DIP2B: variants seen among roughly 807,000 people sequenced by gnomAD.
DIP2B encodes DIP2 acetate--CoA ligase B (putative).
Under a neutral mutation model 198.0 loss-of-function variants are expected in DIP2B, and 76 were observed. That is an observed-to-expected ratio of 0.38 (90% CI 0.32 to 0.46). The LOEUF (loss-of-function observed/expected upper bound fraction) is 0.46, where lower values mean the gene tolerates loss of function less well. Among genes scored for constraint, DIP2B ranks in the 20% least tolerant of loss-of-function variants. The pLI is 0.99. For synonymous variants in DIP2B, 701 were observed against 739.1 expected, an observed-to-expected ratio of 0.95 and a Z score of 0.84; for missense variants, 1,559 against 1,978.4, an observed-to-expected ratio of 0.79 and a Z score of 4.02.
At chr12:50,562,216 C>G (rs536270144) in intron 1 of DIP2B, among the ~76,000 whole-genome samples, 20 of 152,132 alleles carry the variant, frequency 1.3e-4, no homozygotes, top group African/African-American at 4.8e-4. Context: ...TCCAGATTTC[C>G]TAGCAAGTCT....
At chr12:50,510,253 A>G (rs530473878) in intron 1 of DIP2B, among the ~76,000 whole-genome samples, 42 of 152,372 alleles carry the variant, frequency 2.8e-4, no homozygotes, top group African/African-American at 9.9e-4. Context: ...AAGAGAATTT[A>G]CAGACAAATT....
rs1939439718 is a variant in DIP2B, at chr12:50,702,644, C to A, written c.2326-1496C>A. Among the ~76,000 whole-genome samples, 8 of 145,498 alleles carry A rather than the reference C, an allele frequency of 5.5e-5. No individual in the cohort carries two copies. The South Asian group carries it at 1.8e-3, about 32-fold the overall frequency. On this transcript the variant is annotated intron_variant, in intron 19 of 37. Coordinates refer to ENST00000301180, the MANE Select transcript of DIP2B (RefSeq NM_173602.3). ...AGTGTGACACGGGGGATCACATGGG[C>A]CGAGGAGTTCAAGGCTGTACTGAAC...
chr12:50,665,393 C>G (rs1241108944), intron 4 of DIP2B, among the ~76,000 whole-genome samples: 1 of 152,152 alleles, frequency 6.6e-6, no homozygotes, highest in Non-Finnish European at 1.5e-5. Flanking sequence ...AATTAAGTGT[C>G]AAACTCAAAA....
At chr12:50,575,474 C>G (rs1405222854) in intron 1 of DIP2B, among the ~76,000 whole-genome samples, 1 of 151,842 alleles carries the variant, frequency 6.6e-6, no homozygotes. Flanking sequence ...CCTTGACTTC[C>G]CAGGCTCAAG....
chr12:50,565,770 A>T (rs1026498046), intron 1 of DIP2B, among the ~76,000 whole-genome samples: 1 of 152,172 alleles, frequency 6.6e-6, no homozygotes, highest in Non-Finnish European at 1.5e-5. Context: ...ATTAAATTTC[A>T]TCTATTTTCT....
chr12:50,703,462 A>G (rs1939458539), intron 19 of DIP2B, among the ~76,000 whole-genome samples: 1 of 152,172 alleles, frequency 6.6e-6, no homozygotes, highest in African/African-American at 2.4e-5. Context: ...GAATACAGCA[A>G]TATTCATTAA....
chr12:50,577,810 A>AG (rs1444428536), intron 1 of DIP2B, among the ~76,000 whole-genome samples: 1 of 152,022 alleles, frequency 6.6e-6, no homozygotes, highest in African/African-American at 2.4e-5. Context: ...AAAAAAAAAA[A>AG]TCTGGCCTCA....
intron 1 of DIP2B, among the ~76,000 whole-genome samples, chr12:50,569,344 C>T (rs1009859270): frequency 6.6e-6 from 1 of 152,088 alleles, no homozygotes; most frequent in East Asian, 1.9e-4. Flanking sequence ...GAGCATGCAC[C>T]TTTCTCTAGA....
chr12:50,707,269 T>C (rs181745334), intron 21 of DIP2B, among the ~76,000 whole-genome samples: 8 of 152,366 alleles, frequency 5.3e-5, no homozygotes, highest in African/African-American at 1.9e-4. Context: ...AGTGTCCCTT[T>C]AGTTTAAGAA....
intron 3 of DIP2B, among the ~76,000 whole-genome samples, chr12:50,650,038 A>G (rs1325201608): frequency 6.6e-6 from 1 of 151,986 alleles, no homozygotes; most frequent in Non-Finnish European, 1.5e-5. Context: ...ATGAAACCGC[A>G]TCTCTACTAA....
chr12:50,730,078 T>C (rs527962228), intron 30 of DIP2B, among the ~76,000 whole-genome samples: 1 of 152,298 alleles, frequency 6.6e-6, no homozygotes, highest in African/African-American at 2.4e-5. Flanking sequence ...TGTTATCACC[T>C]CTCACCTGAA....
intron 2 of DIP2B, among the ~76,000 whole-genome samples, chr12:50,632,881 T>G (rs1469660798): frequency 6.6e-6 from 1 of 152,102 alleles, no homozygotes; most frequent in East Asian, 1.9e-4. Flanking sequence ...TACAACATTT[T>G]ATTACTGGGA....
intron 1 of DIP2B, among the ~76,000 whole-genome samples, chr12:50,594,432 A>G (rs1958861469): frequency 6.6e-6 from 1 of 152,174 alleles, no homozygotes; most frequent in Non-Finnish European, 1.5e-5. Context: ...TTTTATGAGA[A>G]TTATTTTAGG....
intron 19 of DIP2B, among the ~76,000 whole-genome samples, chr12:50,702,036 G>C (rs1488141395): frequency 6.6e-6 from 1 of 152,038 alleles, no homozygotes; most frequent in Non-Finnish European, 1.5e-5. Flanking sequence ...GGCTGAGGTG[G>C]GTGGATCACC....
intron 1 of DIP2B, among the ~76,000 whole-genome samples, chr12:50,603,586 C>A (rs1958957217): frequency 6.6e-6 from 1 of 151,866 alleles, no homozygotes; most frequent in Non-Finnish European, 1.5e-5. Context: ...AAAAAACTAG[C>A]TGGGCATGGT....
In DIP2B at chr12:50,747,732, GA is replaced by G. The variant is rs2139616162; in HGVS notation, c.*2900del. ...TCTGTCTGGGTTTTTAATGTCTGTG[GA>G]AAAAAACTAAACAAGTCTCTGTCTC... On this transcript the variant is annotated 3_prime_UTR_variant, in exon 38 of 38. Transcript: ENST00000301180. 6.6e-6 allele frequency: 1 copy of G among 152,230 alleles called. No homozygotes were observed. Among genetic ancestry groups the G allele is most frequent in the Admixed American group, 6.5e-5 (1 of 15,294 alleles). The allele number at this position is 152,230 out of a possible 1,614,324, so 9.4% of individuals were successfully genotyped here. A position where few individuals can be genotyped will look rare whatever the true frequency, so the allele number is the denominator to read the frequency against.
chr12:50,556,941 C>G (rs1460428731), intron 1 of DIP2B, among the ~76,000 whole-genome samples: 1 of 152,116 alleles, frequency 6.6e-6, no homozygotes, highest in African/African-American at 2.4e-5. Flanking sequence ...AACTCCTGAC[C>G]TCAGGTGATT....
At chr12:50,666,973 C>T (rs541040322) in intron 4 of DIP2B, among the ~76,000 whole-genome samples, 44 of 152,276 alleles carry the variant, frequency 2.9e-4, no homozygotes, top group African/African-American at 9.9e-4. Flanking sequence ...TAGCAAATTC[C>T]TGGGCTCAGG....
intron 1 of DIP2B, among the ~76,000 whole-genome samples, chr12:50,620,225 T>C (rs1223745264): frequency 6.6e-6 from 1 of 152,202 alleles, no homozygotes; most frequent in Non-Finnish European, 1.5e-5. Context: ...CCCTACCACC[T>C]TGTGGCTTTT....
Sources: allele counts gnomAD v4.1 joint callset (sites outside exome capture counted in the v4.1 genomes callset), GRCh38; gene constraint gnomAD v4.1.1; transcripts MANE v1.5; gene names NCBI Gene and HGNC (gene_info 2026-07-23, HGNC 2026-07-21).